Variants in LIX1L observed in about 807,000 individuals in gnomAD.
LIX1L encodes LIX1-like protein.
LIX1L carries 20 observed loss-of-function variants against 34.0 expected under a neutral mutation model. The ratio of observed to expected loss-of-function variants is 0.59; its 90% CI spans 0.41 to 0.85. LIX1L has a LOEUF of 0.85. Ranked by LOEUF, LIX1L falls within the 40% of genes least tolerant of loss-of-function variation. The pLI, the probability that LIX1L is intolerant of heterozygous loss-of-function variation, is 0.00. For missense variants in LIX1L, 397 were observed against 447.0 expected (o/e 0.89, Z 1.01); for synonymous variants, 170 against 187.4 (o/e 0.91, Z 0.76).
At position 145,940,350 on chromosome 1, in the gene LIX1L, AT is replaced by A. The variant is rs587677100; in HGVS notation, c.597+2362del. Among the ~76,000 whole-genome samples the A allele has an allele frequency of 3.9e-3, 484 of 125,440 alleles. 2 individuals carry two copies. Among genetic ancestry groups the A allele is most frequent in the South Asian group, 0.019 (76 of 4,008 alleles). 82.3% of individuals were successfully genotyped at this position (125,440 alleles called of 152,430 possible). ...TTCTTTTTTTTTCCTTTCCTTTTCT[AT>A]TTTTTTTTTTTTTTGAGACAGGGTG... On this transcript the variant is annotated intron_variant, in intron 3 of 5. Coordinates refer to ENST00000604000, the MANE Select transcript of LIX1L (RefSeq NM_153713.3).
rs782265816 is a variant in LIX1L at position 145,936,990 on chromosome 1, G to C, written c.694-5C>G. 4.4e-6 allele frequency: 7 copies of C among 1,604,450 alleles called. No homozygotes were observed. In the South Asian group the frequency reaches 6.6e-5, roughly 15 times the overall value. On this transcript the variant is annotated splice_polypyrimidine_tract_variant and splice_region_variant and intron_variant, in intron 4 of 5. Coordinates refer to ENST00000604000, the MANE Select transcript of LIX1L (RefSeq NM_153713.3). Reference sequence around the variant, plus strand: ...TTGAAAAACTGTCATTAGCTCCTGGGGGAAGAGGATAGGAAGTACCAGGAC... The same window carrying C: ...TTGAAAAACTGTCATTAGCTCCTGGCGGAAGAGGATAGGAAGTACCAGGAC...
chr1:145,953,362 G>C (rs1418399786), intron 1 of LIX1L, among the ~76,000 whole-genome samples: 2 of 152,192 alleles, frequency 1.3e-5, no homozygotes, highest in Non-Finnish European at 2.9e-5. Context: ...GGAATAAAGA[G>C]ATAATGAAGT....
At chr1:145,937,779 T>C (rs1648718632) in intron 3 of LIX1L, 80 bp from the exon 4 acceptor site, 1 of 841,356 alleles carries the variant, frequency 1.2e-6, no homozygotes, top group African/African-American at 1.7e-5. Flanking sequence ...AGTAGAAATA[T>C]AATGCAAGCC....
chr1:145,943,436 A>G (rs1648994506), intron 2 of LIX1L, among the ~76,000 whole-genome samples: 1 of 152,232 alleles, frequency 6.6e-6, no homozygotes, highest in Non-Finnish European at 1.5e-5. Context: ...TTAAGTCTGA[A>G]GAAGGAATTT....
At chr1:145,945,840 C>T (rs1437950091) in intron 2 of LIX1L, among the ~76,000 whole-genome samples, 7 of 149,518 alleles carry the variant, frequency 4.7e-5, no homozygotes, top group Non-Finnish European at 8.9e-5. Flanking sequence ...GTAATCCCAG[C>T]ACTTTGGGAG....
intron 1 of LIX1L, among the ~76,000 whole-genome samples, chr1:145,956,336 T>G (rs1045928513): frequency 6.6e-6 from 1 of 152,136 alleles, no homozygotes; most frequent in African/African-American, 2.4e-5. Flanking sequence ...TTATTAGGAT[T>G]TAAGAGTGGG....
chr1:145,937,573 A>G, intron 4 of LIX1L, 31 bp downstream of exon 4: 1 of 1,369,038 alleles, frequency 7.3e-7, no homozygotes, highest in Non-Finnish European at 1.0e-6. Context: ...GACCCATGTT[A>G]TTAGAACCAG....
At chr1:145,942,962 A>G in intron 2 of LIX1L, 109 bp from the exon 3 acceptor site, 1 of 1,080,412 alleles carries the variant, frequency 9.3e-7, no homozygotes, top group Non-Finnish European at 1.4e-6. Flanking sequence ...CGCTCTTTGG[A>G]TAAATCAGTT....
At chr1:145,950,952 T>C (rs1364019740) in intron 1 of LIX1L, among the ~76,000 whole-genome samples, 15 of 152,350 alleles carry the variant, frequency 9.8e-5, no homozygotes, top group African/African-American at 3.6e-4. Flanking sequence ...ATGGCTGTCA[T>C]ATACACGTTA....
intron 1 of LIX1L, among the ~76,000 whole-genome samples, chr1:145,955,219 C>T (rs1649429955): frequency 6.6e-6 from 1 of 152,202 alleles, no homozygotes; most frequent in Non-Finnish European, 1.5e-5. Context: ...GCACTACAAA[C>T]TTATCAAGAT....
At position 145,935,668 on chromosome 1, in the gene LIX1L, GGTA is replaced by G. The variant is rs1648611832; in HGVS notation, c.*639_*641del. On this transcript the variant is annotated 3_prime_UTR_variant, in exon 6 of 6. Transcript: ENST00000604000. The stretch of plus-strand genomic sequence containing the variant: ...ATACATATGCCCTAGAAGCAACTTA[GGTA>G]GTAAACTCCCATGAATTGTTTGTAA... 6.5e-6 allele frequency: 1 copy of G among 153,396 alleles called. No homozygotes were observed. The highest frequency in any genetic ancestry group is 1.5e-5 in the Non-Finnish European group (1 of 68,924). The allele number at this position is 153,396 out of a possible 1,614,324, so 9.5% of individuals were successfully genotyped here. A position where few individuals can be genotyped will look rare whatever the true frequency, so the allele number is the denominator to read the frequency against.
At chr1:145,937,897 G>A (rs1400221903) in intron 3 of LIX1L, among the ~76,000 whole-genome samples, 198 bp from the exon 4 acceptor site, 2 of 152,158 alleles carry the variant, frequency 1.3e-5, no homozygotes, top group East Asian at 3.8e-4. Flanking sequence ...GGAGGCCAAG[G>A]TGGGCAGATC....
At chr1:145,956,732 T>C (rs1191791637) in intron 1 of LIX1L, among the ~76,000 whole-genome samples, 2 of 152,200 alleles carry the variant, frequency 1.3e-5, no homozygotes, top group African/African-American at 4.8e-5. Flanking sequence ...CCCTTCACTA[T>C]ATATTCCTTA....
chr1:145,946,472 C>T (rs1443113664), intron 2 of LIX1L, among the ~76,000 whole-genome samples: 1 of 152,114 alleles, frequency 6.6e-6, no homozygotes, highest in African/African-American at 2.4e-5. Context: ...GCTGGGATTA[C>T]AGGTGTGAGT....
rs1553757892 is a variant in LIX1L at position 145,936,896 on chromosome 1, A to G, written c.771+12T>C. On this transcript the variant is annotated intron_variant, in intron 5 of 5. Transcript: ENST00000604000. Reference sequence around the variant, plus strand: ...GCTCCCCTCATTCGCCCCCACTCATAAAATCTCTTACCTGCCGAGAGCATT... The same window carrying G: ...GCTCCCCTCATTCGCCCCCACTCATGAAATCTCTTACCTGCCGAGAGCATT... 1 of 1,590,728 alleles carries G rather than the reference A, an allele frequency of 6.3e-7. No homozygotes were observed. Among genetic ancestry groups the G allele is most frequent in the Admixed American group, 1.7e-5 (1 of 59,986 alleles).
intron 2 of LIX1L, among the ~76,000 whole-genome samples, chr1:145,945,402 C>T (rs1425468959): frequency 6.6e-6 from 1 of 151,568 alleles, no homozygotes; most frequent in African/African-American, 2.4e-5. Flanking sequence ...CAGTTATGGG[C>T]ATTGTCATAA....
chr1:145,957,952 C>T lies in LIX1L; in HGVS notation c.-25G>A. On this transcript the variant is annotated 5_prime_UTR_variant, in exon 1 of 6. Coordinates refer to ENST00000604000, the MANE Select transcript of LIX1L (RefSeq NM_153713.3). Reference sequence around the variant, plus strand: ...TCCCGGCCGCCAATGGAGTAGCGCCCCGGAGCCTGCCAGCCTGCCGAGCTA... The same window carrying T: ...TCCCGGCCGCCAATGGAGTAGCGCCTCGGAGCCTGCCAGCCTGCCGAGCTA... 1.4e-6 allele frequency: 2 copies of T among 1,418,794 alleles called. No homozygotes were observed. The highest frequency in any genetic ancestry group is 1.9e-6 in the Non-Finnish European group (2 of 1,080,836). The allele number at this position is 1,418,794 out of a possible 1,614,324, so 87.9% of individuals were successfully genotyped here.
At position 145,948,608 on chromosome 1, in the gene LIX1L, TATAA is replaced by T. The variant is rs1553759486; in HGVS notation, c.293-830_293-827del. Among the ~76,000 whole-genome samples the T allele has an allele frequency of 6.6e-6, 1 of 152,172 alleles. No individual in the cohort carries two copies. Among genetic ancestry groups the T allele is most frequent in the Admixed American group, 6.5e-5 (1 of 15,272 alleles). ...AAACTCTTTTGAGGCTTTACCTGGG[TATAA>T]ATGTTTTTGGAGGAGCCATATGGTG... On this transcript the variant is annotated intron_variant, in intron 1 of 5. Coordinates refer to ENST00000604000, the MANE Select transcript of LIX1L (RefSeq NM_153713.3). The surrounding 1 kb of genome is among the most constrained non-coding windows in gnomAD (Gnocchi z 4.0).
At chr1:145,957,610 G>A in intron 1 of LIX1L, 26 bp downstream of exon 1, 15 of 1,484,400 alleles carry the variant, frequency 1.0e-5, no homozygotes, top group Non-Finnish European at 1.2e-5. Flanking sequence ...AGGGTGTCGC[G>A]CAGGAGGCCA....
Sources: allele counts gnomAD v4.1 joint callset (sites outside exome capture counted in the v4.1 genomes callset), GRCh38; gene constraint gnomAD v4.1.1; non-coding constraint Gnocchi (gnomAD v3.1); transcripts MANE v1.5; gene names NCBI Gene and HGNC (gene_info 2026-07-23, HGNC 2026-07-21).